Variants in TCTN3 observed in about 807,000 individuals in gnomAD.
TCTN3 encodes tectonic family member 3, also known as tectonic-3.
In TCTN3, 57 loss-of-function variants were observed where a neutral mutation model predicts 71.3. The ratio of observed to expected loss-of-function variants is 0.80; its 90% CI spans 0.65 to 1.00. The LOEUF is 1.00. Among genes scored for constraint, TCTN3 ranks in the 50% least tolerant of loss-of-function variants. The probability of loss-of-function intolerance (pLI) is 0.00; values close to 1 mark genes in which losing one functional copy is unlikely to be tolerated. For missense variants in TCTN3, 696 were observed against 719.9 expected (o/e 0.97, Z 0.38); for synonymous variants, 258 against 267.8 (o/e 0.96, Z 0.36).
At chr10:95,681,431 G>A (rs1320751781) in intron 12 of TCTN3, among the ~76,000 whole-genome samples, 1 of 152,150 alleles carries the variant, frequency 6.6e-6, no homozygotes, top group Non-Finnish European at 1.5e-5. Flanking sequence ...GAGCTGCTTA[G>A]TAGGCACTGG....
At chr10:95,664,720 A>G (rs1380146338) in intron 13 of TCTN3, among the ~76,000 whole-genome samples, 2 of 152,196 alleles carry the variant, frequency 1.3e-5, no homozygotes, top group East Asian at 1.9e-4. Context: ...AAGGTCACTC[A>G]CAGACTCTCA....
chr10:95,672,587 G>A (rs1046127324), intron 13 of TCTN3, among the ~76,000 whole-genome samples: 7 of 151,278 alleles, frequency 4.6e-5, no homozygotes, highest in African/African-American at 1.2e-4. Context: ...AGTAGCGCAC[G>A]GTTTTAATTT....
At chr10:95,668,103 C>T (rs1427293228) in intron 13 of TCTN3, among the ~76,000 whole-genome samples, 3 of 151,538 alleles carry the variant, frequency 2.0e-5, no homozygotes, top group Non-Finnish European at 4.4e-5. Context: ...TATTAAAAAT[C>T]TGATGGCCAA....
chr10:95,670,708 G>A (rs927196036), intron 13 of TCTN3, among the ~76,000 whole-genome samples: 10 of 152,058 alleles, frequency 6.6e-5, no homozygotes, highest in Admixed American at 2.6e-4. Context: ...TGTCGCCCAA[G>A]CTGGAGTGCA....
chr10:95,665,654 T>C (rs1323710339), intron 13 of TCTN3, among the ~76,000 whole-genome samples: 1 of 152,154 alleles, frequency 6.6e-6, no homozygotes, highest in Non-Finnish European at 1.5e-5. Context: ...TTAATAAATG[T>C]GCTATTCTAA....
chr10:95,680,658 A>G lies in TCTN3; in HGVS notation c.1453-49T>C, dbSNP rs372297587. On this transcript the variant is annotated intron_variant, in intron 12 of 13. Coordinates refer to ENST00000371217, the MANE Select transcript of TCTN3 (RefSeq NM_015631.6). Reference sequence around the variant, plus strand: ...TGCTTGAATTGCCTGATGGTTGCCTATAGTCAATCACCAAGTACTAAGCCA... The same window carrying G: ...TGCTTGAATTGCCTGATGGTTGCCTGTAGTCAATCACCAAGTACTAAGCCA... 2.6e-5 allele frequency: 42 copies of G among 1,594,428 alleles called. No individual in the cohort carries two copies. In the African/African-American group the frequency reaches 2.8e-4, roughly 11 times the overall value.
chr10:95,676,425 G>C (rs1047104728), intron 13 of TCTN3, among the ~76,000 whole-genome samples: 2 of 151,916 alleles, frequency 1.3e-5, no homozygotes, highest in African/African-American at 4.8e-5. Context: ...ACTTGGTCTT[G>C]AACTCCTGAA....
At chr10:95,678,801 T>G (rs1050845116) in intron 13 of TCTN3, among the ~76,000 whole-genome samples, 5 of 152,170 alleles carry the variant, frequency 3.3e-5, no homozygotes, top group Non-Finnish European at 5.9e-5. Context: ...TATTATAAGC[T>G]TATTGTAAGC....
chr10:95,683,459 T>C (rs969337496), intron 10 of TCTN3, 63 bp downstream of exon 10: 14 of 1,613,602 alleles, frequency 8.7e-6, no homozygotes, highest in Admixed American at 3.3e-5. Context: ...TAACATAAGT[T>C]TGAAAGCCTT....
chr10:95,678,760 A>AT (rs1332863164), intron 13 of TCTN3, among the ~76,000 whole-genome samples: 19 of 152,234 alleles, frequency 1.2e-4, no homozygotes, highest in African/African-American at 4.3e-4. Context: ...TAAGTTTCAT[A>AT]TAAGTATGAA....
intron 8 of TCTN3, among the ~76,000 whole-genome samples, 200 bp from the exon 9 acceptor site, chr10:95,684,824 T>C (rs1176322891): frequency 6.6e-6 from 1 of 152,094 alleles, no homozygotes; most frequent in Non-Finnish European, 1.5e-5. Context: ...AGAAACTGGA[T>C]AGAGCTCTTT....
chr10:95,693,721 A>T lies in TCTN3; in HGVS notation c.179T>A (p.Val60Glu), dbSNP rs1306198539. 6.4e-7 allele frequency: 1 copy of T among 1,551,518 alleles called. No individual in the cohort carries two copies. The highest frequency in any genetic ancestry group is 2.0e-5 in the Admixed American group (1 of 50,978). ...PSEATATRPA[V>E]PGLPTVVPTL... ...AGGGACCACTGTAGGGAGTCCAGGCACGGCCGGGCGAGTTGCAGTCGCCTC... is the reference window on the plus strand; with the variant it reads ...AGGGACCACTGTAGGGAGTCCAGGCTCGGCCGGGCGAGTTGCAGTCGCCTC... The change falls in exon 1 of 14, where the codon GTG (valine) becomes GAG (glutamate). Residue 60 changes from valine (V) to glutamate (E), a missense_variant. By Grantham distance (121) the Val-to-Glu change is moderately radical (BLOSUM62 -2). Coordinates refer to ENST00000371217, the MANE Select transcript of TCTN3 (RefSeq NM_015631.6).
chr10:95,690,560 C>G (rs570525496), intron 3 of TCTN3, among the ~76,000 whole-genome samples: 2 of 152,180 alleles, frequency 1.3e-5, no homozygotes, highest in South Asian at 4.1e-4. Context: ...AAAGCAAATA[C>G]AAACTTGGGA....
intron 13 of TCTN3, 49 bp from the exon 14 acceptor site, chr10:95,664,349 T>C (rs750821482): frequency 8.1e-6 from 12 of 1,480,810 alleles, no homozygotes; most frequent in South Asian, 3.4e-5. Context: ...CCCATTCATA[T>C]AGCACTCTAA....
Position 95,692,810 on chromosome 10 carries a change from T to C in TCTN3, c.499+110A>G, listed in dbSNP as rs917033368. ...TTTTTAACTCATCAGCTATCGTTAG[T>C]GTATTTTACGTGTGGCCCAAGACAA... is the stretch of plus-strand genomic sequence containing the variant. On this transcript the variant is annotated intron_variant, in intron 3 of 13. Transcript: ENST00000371217. The C allele has an allele frequency of 8.0e-6, 6 of 747,288 alleles. No homozygotes were observed. In the African/African-American group the frequency reaches 1.1e-4, roughly 13 times the overall value. The allele number at this position is 747,288 out of a possible 1,614,324, so 46.3% of individuals were successfully genotyped here. A position where few individuals can be genotyped will look rare whatever the true frequency, so the allele number is the denominator to read the frequency against.
In TCTN3 at chr10:95,685,479, A is replaced by G. The variant is rs1354769582; in HGVS notation, c.969+77T>C. On this transcript the variant is annotated intron_variant, in intron 8 of 13. Coordinates refer to ENST00000371217, the MANE Select transcript of TCTN3 (RefSeq NM_015631.6). ...CAAAATTCAGTTGGGTCAGTCTGAT[A>G]CTTAATGGAAGATGAGGCACCTCTG... is the stretch of plus-strand genomic sequence containing the variant. 4.9e-6 allele frequency: 6 copies of G among 1,213,596 alleles called. No homozygotes were observed. In the East Asian group the frequency reaches 7.7e-5, roughly 16 times the overall value. The allele number at this position is 1,213,596 out of a possible 1,614,324, so 75.2% of individuals were successfully genotyped here.
intron 13 of TCTN3, among the ~76,000 whole-genome samples, chr10:95,670,861 C>T (rs992317773): frequency 4.6e-5 from 7 of 151,806 alleles, no homozygotes; most frequent in Non-Finnish European, 8.8e-5. Context: ...TGGGGTCTCA[C>T]TATGTTGCCT....
At chr10:95,679,579 ATTTCTTTTT>A (rs2097940732) in intron 13 of TCTN3, among the ~76,000 whole-genome samples, 1 of 124,720 alleles carries the variant, frequency 8.0e-6, no homozygotes, top group African/African-American at 3.1e-5. Flanking sequence ...GGACCTAGTC[ATTTCTTTTT>A]TTTTTTTTTT....
chr10:95,687,839 C>A (rs1035722726), intron 3 of TCTN3, 120 bp from the exon 4 acceptor site: 2 of 1,204,406 alleles, frequency 1.7e-6, no homozygotes, highest in Admixed American at 5.6e-5. Flanking sequence ...AGTGTAAACT[C>A]AAAGAATTTT....
Sources: allele counts gnomAD v4.1 joint callset (sites outside exome capture counted in the v4.1 genomes callset), GRCh38; gene constraint gnomAD v4.1.1; transcripts MANE v1.5; gene names NCBI Gene and HGNC (gene_info 2026-07-23, HGNC 2026-07-21).